MEF2C: variants seen among roughly 807,000 people sequenced by gnomAD.
MEF2C encodes the protein myocyte-specific enhancer factor 2C.
A neutral mutation model predicts 50.5 loss-of-function variants in MEF2C; 6 were observed. The observed-to-expected ratio is 0.12, with a 90% CI of 0.07 to 0.23. The LOEUF is 0.23. MEF2C is among the 10% of genes least tolerant of loss of function. The pLI is 1.00. For missense variants in MEF2C, 276 were observed against 605.0 expected, an observed-to-expected ratio of 0.46 and a Z score of 5.70; for synonymous variants, 183 against 228.0, an observed-to-expected ratio of 0.80 and a Z score of 1.78.
chr5:88,734,036 A>G lies in MEF2C; in HGVS notation c.638-2135T>C, dbSNP rs1223977601. The G allele has an allele frequency of 4.1e-6, 4 of 985,190 alleles. No individual in the cohort carries two copies. The African/African-American group carries it at 7.0e-5, about 17-fold the overall frequency. The allele number at this position is 985,190 out of a possible 1,614,324, so 61.0% of individuals were successfully genotyped here. A position where few individuals can be genotyped will look rare whatever the true frequency, so the allele number is the denominator to read the frequency against. On this transcript the variant is annotated intron_variant, in intron 6 of 10. Transcript: ENST00000504921. Reference sequence around the variant, plus strand: ...TACTTCCTCTCACTAGAAGAAAAAAACAAACAAAAGAGAGTATGTTCACTT... The same window carrying G: ...TACTTCCTCTCACTAGAAGAAAAAAGCAAACAAAAGAGAGTATGTTCACTT...
At chr5:88,789,814 C>T (rs1041886542) in intron 3 of MEF2C, among the ~76,000 whole-genome samples, 1 of 152,066 alleles carries the variant, frequency 6.6e-6, no homozygotes, top group Non-Finnish European at 1.5e-5. Context: ...GGGTATATTT[C>T]CAATAATATA....
chr5:88,777,074 G>A (rs1389110913), intron 3 of MEF2C, among the ~76,000 whole-genome samples: 2 of 152,046 alleles, frequency 1.3e-5, no homozygotes, highest in Non-Finnish European at 2.9e-5. Context: ...TTTAAATTAG[G>A]TATTTCAATT....
intron 3 of MEF2C, chr5:88,766,597 C>G (rs904188495): frequency 1.1e-5 from 11 of 972,404 alleles, no homozygotes; most frequent in Non-Finnish European, 1.3e-5. Flanking sequence ...TGTCTGCAGT[C>G]TCAGTCCTCA....
At chr5:88,844,909 T>C (rs1272048375) in intron 1 of MEF2C, among the ~76,000 whole-genome samples, 3 of 152,220 alleles carry the variant, frequency 2.0e-5, no homozygotes, top group Non-Finnish European at 2.9e-5. Flanking sequence ...ATAGAGGAAT[T>C]GGTGAGAAAT....
Position 88,751,860 on chromosome 5 carries a change from T to C in MEF2C, c.586A>G (p.Thr196Ala). The change falls in exon 5 of 11, where the codon ACA becomes GCA. Residue 196 changes from threonine to alanine, a missense_variant. Thr to Ala is a moderately conservative substitution (Grantham distance 58). Around this residue, in one of 2 missense-constraint regions of MEF2C, gnomAD observed 256 missense variants for 468.1 expected, o/e 0.55. Transcript: ENST00000504921. ...VTHRPPSAGN[T>A]GGLMGGDLTS... Reference sequence around the variant, plus strand: ...TTACATCCTTATGAGGACATACCTGTGTTACCTGCACTTGGAGGTCGATGT... The same window carrying C: ...TTACATCCTTATGAGGACATACCTGCGTTACCTGCACTTGGAGGTCGATGT... 1 of 1,613,896 alleles carries C rather than the reference T, an allele frequency of 6.2e-7. No homozygotes were observed.
chr5:88,762,567 C>T (rs913080017), intron 3 of MEF2C, among the ~76,000 whole-genome samples: 2 of 143,904 alleles, frequency 1.4e-5, no homozygotes, highest in Non-Finnish European at 3.1e-5. Flanking sequence ...ACAACCTGGC[C>T]TGCTTTATTA....
At chr5:88,846,358 A>G (rs568105834) in intron 1 of MEF2C, among the ~76,000 whole-genome samples, 416 of 152,276 alleles carry the variant, frequency 2.7e-3, no homozygotes, top group African/African-American at 9.4e-3. Context: ...GTGAGCCACC[A>G]TGCCTGGCCT....
chr5:88,833,859 C>A (rs185174435), intron 1 of MEF2C, among the ~76,000 whole-genome samples: 1 of 152,074 alleles, frequency 6.6e-6, no homozygotes, highest in African/African-American at 2.4e-5. Flanking sequence ...GGTACTGTGG[C>A]ACTATTTACT....
intron 1 of MEF2C, among the ~76,000 whole-genome samples, chr5:88,897,547 C>G (rs985551704): frequency 1.3e-5 from 2 of 152,158 alleles, no homozygotes; most frequent in African/African-American, 4.8e-5. Context: ...TTCGCTCAAG[C>G]CGTTTTATCA....
chr5:88,845,819 C>T (rs1418245659), intron 1 of MEF2C, among the ~76,000 whole-genome samples: 2 of 152,280 alleles, frequency 1.3e-5, no homozygotes, highest in South Asian at 4.1e-4. Context: ...CAACCTCCAC[C>T]TCCTGGGTTC....
intron 1 of MEF2C, among the ~76,000 whole-genome samples, chr5:88,865,630 TAC>T (rs1200736989): frequency 1.3e-5 from 2 of 152,172 alleles, no homozygotes; most frequent in African/African-American, 2.4e-5. Flanking sequence ...GAGCGTGCTT[TAC>T]AGTTAGAAGA....
chr5:88,898,077 GC>G (rs1835295830), intron 1 of MEF2C, among the ~76,000 whole-genome samples: 1 of 151,998 alleles, frequency 6.6e-6, no homozygotes, highest in South Asian at 2.1e-4. Flanking sequence ...TCCCTCTAAT[GC>G]CATAATTTTT....
intron 10 of MEF2C, among the ~76,000 whole-genome samples, chr5:88,725,367 A>T (rs1758222296): frequency 6.6e-6 from 1 of 152,168 alleles, no homozygotes; most frequent in African/African-American, 2.4e-5. Flanking sequence ...ATACTGTGAC[A>T]TAGGATATAA....
intron 6 of MEF2C, chr5:88,739,226 A>C (rs1020785797): frequency 1.0e-6 from 1 of 981,120 alleles, no homozygotes; most frequent in African/African-American, 1.7e-5. Context: ...ATAGTATCTG[A>C]TTTTGAGGGA....
intron 3 of MEF2C, among the ~76,000 whole-genome samples, chr5:88,781,065 T>C (rs1430848047): frequency 6.6e-6 from 1 of 152,206 alleles, no homozygotes; most frequent in African/African-American, 2.4e-5. Flanking sequence ...AGAATTACTT[T>C]TGACTCCTAG....
intron 4 of MEF2C, among the ~76,000 whole-genome samples, chr5:88,758,246 T>C (rs1358530422): frequency 6.6e-6 from 1 of 152,166 alleles, no homozygotes; most frequent in Non-Finnish European, 1.5e-5. Context: ...TACTGTTTCT[T>C]TCCACTTCCT....
At chr5:88,783,065 T>C (rs1788949426) in intron 3 of MEF2C, among the ~76,000 whole-genome samples, 1 of 152,200 alleles carries the variant, frequency 6.6e-6, no homozygotes, top group African/African-American at 2.4e-5. Context: ...TTGATATCCA[T>C]CTTTCTGAAT....
At chr5:88,864,348 A>G (rs988810834) in intron 1 of MEF2C, among the ~76,000 whole-genome samples, 1 of 151,486 alleles carries the variant, frequency 6.6e-6, no homozygotes, top group Non-Finnish European at 1.5e-5. Context: ...AAAAATTCAC[A>G]TTTATCTTCT....
intron 3 of MEF2C, chr5:88,761,689 A>C (rs1777922649): frequency 5.2e-6 from 1 of 192,322 alleles, no homozygotes; most frequent in Non-Finnish European, 1.1e-5. Context: ...AAAATCAGAA[A>C]TCAGGACATT....
Sources: allele counts gnomAD v4.1 joint callset (sites outside exome capture counted in the v4.1 genomes callset), GRCh38; gene constraint gnomAD v4.1.1; regional missense constraint gnomAD v4.1.1; transcripts MANE v1.5; gene names NCBI Gene and HGNC (gene_info 2026-07-23, HGNC 2026-07-21).